The following MTR variants were observed in gnomAD, a reference collection of about 807,000 sequenced individuals.
MTR encodes methionine synthase.
In MTR, 84 loss-of-function variants were observed where a neutral mutation model predicts 154.8. The observed-to-expected ratio is 0.54, with a 90% CI of 0.45 to 0.65. The LOEUF (loss-of-function observed/expected upper bound fraction) is 0.65. Ranked by LOEUF, MTR falls within the 30% of genes least tolerant of loss-of-function variation. The pLI, the probability that MTR is intolerant of heterozygous loss-of-function variation, is 0.00. For synonymous variants in MTR, 554 were observed against 553.9 expected (o/e 1.00, Z 0.00); for missense variants, 1,275 against 1,570.2 (o/e 0.81, Z 3.18).
intron 30 of MTR, 194 bp from the exon 31 acceptor site, chr1:236,895,164 T>G: frequency 1.5e-6 from 1 of 671,398 alleles, no homozygotes; most frequent in African/African-American, 1.8e-5. Context: ...AGGCCAAAAT[T>G]GAGCTGCAGA....
intron 13 of MTR, 54 bp from the exon 14 acceptor site, chr1:236,835,493 T>G (rs1662853889): frequency 6.2e-7 from 1 of 1,606,456 alleles, no homozygotes; most frequent in Non-Finnish European, 8.5e-7. Flanking sequence ...CTCATTAGCC[T>G]TTTCTCCTAG....
At chr1:236,854,223 A>G (rs1664072590) in intron 18 of MTR, among the ~76,000 whole-genome samples, 1 of 152,134 alleles carries the variant, frequency 6.6e-6, no homozygotes, top group Non-Finnish European at 1.5e-5. Flanking sequence ...TAGATTTCTG[A>G]AATTGCTTAT....
chr1:236,861,072 A>ATT, intron 19 of MTR, 53 bp from the exon 20 acceptor site: 7 of 1,237,138 alleles, frequency 5.7e-6, no homozygotes, highest in African/African-American at 1.9e-5. Flanking sequence ...TTTTTAGGTG[A>ATT]TTTTTTTTTT....
Position 236,898,901 on chromosome 1 carries a change from A to T in MTR, c.*1257A>T, listed in dbSNP as rs1184826840. ...CAAGCAACAAGCCTCAAACTCAACC[A>T]TGTCATCTTTTTCTTGGATGATTGC... is the stretch of plus-strand genomic sequence containing the variant. On this transcript the variant is annotated 3_prime_UTR_variant, in exon 33 of 33. Transcript: ENST00000366577. The T allele has an allele frequency of 6.6e-6, 1 of 152,124 alleles. No homozygotes were observed. Among genetic ancestry groups the T allele is most frequent in the African/African-American group, 2.4e-5 (1 of 41,428 alleles). The allele number at this position is 152,124 out of a possible 1,614,324, so 9.4% of individuals were successfully genotyped here. A position where few individuals can be genotyped will look rare whatever the true frequency, so the allele number is the denominator to read the frequency against.
intron 8 of MTR, among the ~76,000 whole-genome samples, chr1:236,818,085 C>T (rs922026831): frequency 2.2e-4 from 34 of 152,152 alleles, no homozygotes; most frequent in African/African-American, 6.3e-4. Context: ...TTCCTCCCTT[C>T]GCTTTCTCTT....
At chr1:236,847,809 A>G (rs1663669982) in intron 15 of MTR, among the ~76,000 whole-genome samples, 1 of 152,214 alleles carries the variant, frequency 6.6e-6, no homozygotes. Flanking sequence ...GTGCAACCAG[A>G]GTTGAAAGCC....
At chr1:236,809,107 A>G (rs955386188) in intron 4 of MTR, among the ~76,000 whole-genome samples, 2 of 152,222 alleles carry the variant, frequency 1.3e-5, no homozygotes, top group African/African-American at 4.8e-5. Flanking sequence ...CATGTCATTA[A>G]AAGTAACAGC....
chr1:236,840,906 T>G (rs1333483714), intron 15 of MTR, among the ~76,000 whole-genome samples: 2 of 152,220 alleles, frequency 1.3e-5, no homozygotes, highest in Non-Finnish European at 2.9e-5. Flanking sequence ...TCAAAGAGTG[T>G]ACACATTTAC....
At chr1:236,866,777 T>C (rs1487766756) in intron 22 of MTR, among the ~76,000 whole-genome samples, 2 of 152,192 alleles carry the variant, frequency 1.3e-5, no homozygotes, top group African/African-American at 4.8e-5. Context: ...GGATAGAAGA[T>C]TAAACCAGCC....
In MTR at chr1:236,900,377, C is replaced by A; in HGVS notation, c.*2733C>A. 5.8e-6 allele frequency: 1 copy of A among 173,820 alleles called. No individual in the cohort carries two copies. The highest frequency in any genetic ancestry group is 1.2e-5 in the Non-Finnish European group (1 of 81,484). The allele number at this position is 173,820 out of a possible 1,614,324, so 10.8% of individuals were successfully genotyped here. On this transcript the variant is annotated 3_prime_UTR_variant, in exon 33 of 33. Transcript: ENST00000366577. The stretch of plus-strand genomic sequence containing the variant: ...CAAGCAAAACCAAAGAATATGTAGT[C>A]TAAGCATACGTATACAATAAAACTA...
At position 236,835,657 on chromosome 1, in the gene MTR, C is replaced by G; in HGVS notation, c.1299C>G (p.Asn433Lys). Residue 433 changes from asparagine to lysine, a missense_variant, in exon 14 of 33, where the codon AAC (asparagine) becomes AAG (lysine). By Grantham distance (94) the Asn-to-Lys change is moderately conservative. Transcript: ENST00000366577. ...CAAGTGCAATGACCAGATTTTGCAA[C>G]TTAATTGCTTCCGAGCCAGACATCG... Reference protein sequence around the residue: ...DGPSAMTRFCNLIASEPDIAK... With the variant: ...DGPSAMTRFCKLIASEPDIAK... The G allele has an allele frequency of 1.2e-6, 2 of 1,611,954 alleles. No homozygotes were observed. The highest frequency in any genetic ancestry group is 2.2e-5 in the South Asian group (2 of 90,888).
At chr1:236,880,671 A>T (rs148856985) in intron 24 of MTR, 84 bp from the exon 25 acceptor site, 2 of 1,092,394 alleles carry the variant, frequency 1.8e-6, no homozygotes, top group Non-Finnish European at 2.8e-6. Flanking sequence ...GTAGAAATAC[A>T]TTATCTCTAA....
intron 11 of MTR, 105 bp from the exon 12 acceptor site, chr1:236,829,084 T>G (rs932978237): frequency 3.4e-5 from 30 of 873,298 alleles, no homozygotes; most frequent in Non-Finnish European, 4.1e-5. Context: ...TGTATAGTTA[T>G]GTTAAATAGA....
At chr1:236,807,849 G>A (rs1354034255) in intron 3 of MTR, among the ~76,000 whole-genome samples, 1 of 152,152 alleles carries the variant, frequency 6.6e-6, no homozygotes, top group Admixed American at 6.5e-5. Flanking sequence ...TTTTGCAACT[G>A]CTCAACTCCA....
chr1:236,859,217 T>TG (rs1291976718), intron 18 of MTR, among the ~76,000 whole-genome samples: 1 of 152,224 alleles, frequency 6.6e-6, no homozygotes, highest in Admixed American at 6.5e-5. Flanking sequence ...GGGCATCTCA[T>TG]GTCAAGAGGG....
At chr1:236,896,673 G>C (rs935950423) in intron 31 of MTR, among the ~76,000 whole-genome samples, 6 of 152,196 alleles carry the variant, frequency 3.9e-5, no homozygotes, top group Non-Finnish European at 7.3e-5. Context: ...ATCTCCAGGG[G>C]TAGAGCTCCT....
At chr1:236,847,249 G>A (rs991381489) in intron 15 of MTR, among the ~76,000 whole-genome samples, 2 of 151,994 alleles carry the variant, frequency 1.3e-5, no homozygotes, top group South Asian at 2.1e-4. Flanking sequence ...GGGTTCTCTC[G>A]CCCATCTTCA....
At chr1:236,799,574 TATTTATAC>T (rs1660592326) in intron 1 of MTR, among the ~76,000 whole-genome samples, 1 of 152,212 alleles carries the variant, frequency 6.6e-6, no homozygotes, top group African/African-American at 2.4e-5. Context: ...TATATCCATA[TATTTATAC>T]ATTTTGTTGT....
At chr1:236,800,255 A>G (rs576553337) in intron 1 of MTR, 691 of 985,414 alleles carry the variant, frequency 7.0e-4, no homozygotes, top group Non-Finnish European at 8.0e-4. Flanking sequence ...ATGCCAAAGG[A>G]CATACTTCAC....
Sources: gnomAD v4.1 joint callset for allele counts (sites outside exome capture counted in the v4.1 genomes callset) on GRCh38, gnomAD v4.1.1 for gene constraint, MANE v1.5 for transcripts, NCBI Gene and HGNC (gene_info 2026-07-23, HGNC 2026-07-21) for gene names.